Variants in NLGN1 observed in about 807,000 individuals in gnomAD.
NLGN1 encodes neuroligin 1.
NLGN1 carries 12 observed loss-of-function variants against 65.5 expected under a neutral mutation model. The observed-to-expected ratio is 0.18, with a 90% CI of 0.12 to 0.30. The LOEUF (loss-of-function observed/expected upper bound fraction) is 0.30, where lower values mean the gene tolerates loss of function less well. Among genes scored for constraint, NLGN1 ranks in the 10% least tolerant of loss-of-function variants. The pLI is 1.00. For missense variants in NLGN1, 750 were observed against 1,007.1 expected (o/e 0.74, Z 3.46); for synonymous variants, 350 against 359.5 (o/e 0.97, Z 0.30).
At chr3:173,697,106 C>T (rs1766337321) in intron 3 of NLGN1, among the ~76,000 whole-genome samples, 1 of 152,138 alleles carries the variant, frequency 6.6e-6, no homozygotes, top group South Asian at 2.1e-4. Flanking sequence ...TAGCTTTGAT[C>T]CTAGTGAAAG....
At chr3:173,689,714 G>A (rs189809874) in intron 3 of NLGN1, among the ~76,000 whole-genome samples, 4 of 152,066 alleles carry the variant, frequency 2.6e-5, no homozygotes, top group African/African-American at 9.7e-5. Context: ...TATCTGTAAC[G>A]AATCCAGATC....
At chr3:174,171,614 A>T (rs1728546117) in intron 4 of NLGN1, among the ~76,000 whole-genome samples, 2 of 152,206 alleles carry the variant, frequency 1.3e-5, no homozygotes, top group African/African-American at 4.8e-5. Context: ...GGCTGCTAAT[A>T]AAATTGGGTA....
At chr3:174,119,143 T>C (rs1717211072) in intron 4 of NLGN1, among the ~76,000 whole-genome samples, 1 of 152,188 alleles carries the variant, frequency 6.6e-6, no homozygotes. Flanking sequence ...GTAAGTTTAG[T>C]AGAGTAAAAA....
intron 3 of NLGN1, among the ~76,000 whole-genome samples, chr3:173,733,307 A>C (rs1773167672): frequency 6.6e-6 from 1 of 152,022 alleles, no homozygotes; most frequent in Admixed American, 6.6e-5. Context: ...GGTTGTTCTT[A>C]TTTTCTATTT....
At chr3:173,616,410 C>G (rs978951102) in intron 3 of NLGN1, among the ~76,000 whole-genome samples, 2 of 152,048 alleles carry the variant, frequency 1.3e-5, no homozygotes, top group Admixed American at 6.6e-5. Context: ...GTGAAAAAAA[C>G]TGGACTCAAA....
At chr3:173,788,496 A>G (rs909496358) in intron 3 of NLGN1, among the ~76,000 whole-genome samples, 5 of 152,110 alleles carry the variant, frequency 3.3e-5, no homozygotes, top group Non-Finnish European at 7.4e-5. Flanking sequence ...TCTAAGAGCT[A>G]TACATATATT....
chr3:173,975,956 T>C (rs7611177), intron 4 of NLGN1, among the ~76,000 whole-genome samples: 3,231 of 152,142 alleles, frequency 0.021, 104 homozygotes, highest in African/African-American at 0.074. Flanking sequence ...GCACCTAATA[T>C]AGCATTGGTA....
intron 5 of NLGN1, among the ~76,000 whole-genome samples, chr3:174,277,175 T>C (rs1367447954): frequency 6.6e-6 from 1 of 151,870 alleles, no homozygotes. Flanking sequence ...GTCTCCAAAC[T>C]AAGCTGCCTG....
intron 2 of NLGN1, among the ~76,000 whole-genome samples, chr3:173,474,100 C>G (rs1192872869): frequency 5.9e-5 from 9 of 151,892 alleles, no homozygotes; most frequent in Admixed American, 5.3e-4. Flanking sequence ...TCCTCCTGCT[C>G]CTCCTCACCC....
chr3:174,238,519 T>C (rs577676906), intron 4 of NLGN1, among the ~76,000 whole-genome samples: 1 of 152,106 alleles, frequency 6.6e-6, no homozygotes, highest in African/African-American at 2.4e-5. Context: ...CGTGCCACCA[T>C]GCCCAGCTAC....
At chr3:174,188,248 T>C (rs1025417515) in intron 4 of NLGN1, among the ~76,000 whole-genome samples, 9 of 151,990 alleles carry the variant, frequency 5.9e-5, no homozygotes, top group African/African-American at 1.7e-4. Flanking sequence ...TGGCTTTTGG[T>C]TTTTGTAATT....
At chr3:173,701,577 T>G (rs1767170790) in intron 3 of NLGN1, among the ~76,000 whole-genome samples, 1 of 152,228 alleles carries the variant, frequency 6.6e-6, no homozygotes, top group African/African-American at 2.4e-5. Flanking sequence ...TGATAATACA[T>G]TTCTGGTATT....
chr3:173,591,714 G>A (rs1748516063), intron 2 of NLGN1, among the ~76,000 whole-genome samples: 1 of 152,030 alleles, frequency 6.6e-6, no homozygotes, highest in African/African-American at 2.4e-5. Flanking sequence ...AATTAAGCAG[G>A]GAACCAGGAA....
chr3:174,274,947 G>T (rs1325006341), intron 4 of NLGN1, among the ~76,000 whole-genome samples: 3 of 151,782 alleles, frequency 2.0e-5, no homozygotes. Flanking sequence ...CAGACATGGT[G>T]TTTTCTGCAA....
At chr3:173,985,507 C>T (rs527912608) in intron 4 of NLGN1, among the ~76,000 whole-genome samples, 8 of 152,252 alleles carry the variant, frequency 5.3e-5, no homozygotes, top group African/African-American at 1.9e-4. Flanking sequence ...AGAAAATATG[C>T]ATTGAGTAAA....
Position 173,697,336 on chromosome 3 carries a change from G to T in NLGN1, c.493+92245G>T, listed in dbSNP as rs374787215. Among the ~76,000 whole-genome samples the T allele has an allele frequency of 8.5e-5, 13 of 152,104 alleles. No homozygotes were observed. In the East Asian group the frequency reaches 2.5e-3, roughly 29 times the overall value. Reference sequence around the variant, plus strand: ...TATTTTCCAAGCTGTGTTTCCTTAGGCAATCTGCCCTACCTTTACCTTTCT... The same window carrying T: ...TATTTTCCAAGCTGTGTTTCCTTAGTCAATCTGCCCTACCTTTACCTTTCT... On this transcript the variant is annotated intron_variant, in intron 3 of 6. Coordinates refer to ENST00000457714, the Ensembl canonical transcript of NLGN1.
intron 2 of NLGN1, among the ~76,000 whole-genome samples, chr3:173,547,933 A>G (rs920602459): frequency 9.2e-5 from 14 of 151,968 alleles, no homozygotes; most frequent in African/African-American, 2.9e-4. Flanking sequence ...AAACCTGAAC[A>G]TGTTTTAATT....
chr3:173,456,350 A>G (rs989746817), intron 2 of NLGN1, among the ~76,000 whole-genome samples: 3 of 152,120 alleles, frequency 2.0e-5, no homozygotes, highest in Non-Finnish European at 4.4e-5. Context: ...GGGAAGCAAT[A>G]TAGCATGAGG....
intron 4 of NLGN1, among the ~76,000 whole-genome samples, chr3:173,985,591 T>C (rs1212658914): frequency 3.3e-5 from 5 of 152,352 alleles, no homozygotes; most frequent in Non-Finnish European, 5.9e-5. Context: ...GTAATTTAAA[T>C]GATTCTGCAC....
Sources: gnomAD v4.1 joint callset for allele counts (sites outside exome capture counted in the v4.1 genomes callset) on GRCh38, gnomAD v4.1.1 for gene constraint, MANE v1.5 for transcripts, NCBI Gene and HGNC (gene_info 2026-07-23, HGNC 2026-07-21) for gene names.